Variants in GRIA3 observed in about 807,000 individuals in gnomAD.
GRIA3 encodes glutamate receptor 3.
Under a neutral mutation model 63.0 loss-of-function variants are expected in GRIA3, and 3 were observed. The observed-to-expected ratio is 0.05, with a 90% CI of 0.02 to 0.12. The LOEUF (loss-of-function observed/expected upper bound fraction) is 0.12, where lower values mean the gene tolerates loss of function less well. GRIA3 is among the 10% of genes least tolerant of loss of function. The probability of loss-of-function intolerance (pLI) is 1.00; values close to 1 mark genes in which losing one functional copy is unlikely to be tolerated. For synonymous variants in GRIA3, 274 were observed against 257.9 expected (o/e 1.06, Z -0.60); for missense variants, 347 against 700.9 (o/e 0.50, Z 5.70).
intron 2 of GRIA3, among the ~76,000 whole-genome samples, chrX:123,205,292 C>A (rs1380285206): frequency 1.8e-5 from 2 of 111,833 alleles, no homozygotes; most frequent in African/African-American, 6.5e-5. Context: ...TGGTTCTAAG[C>A]TAATTTTCCA....
chrX:123,202,343 C>A (rs1927764903), intron 2 of GRIA3, among the ~76,000 whole-genome samples: 2 of 112,184 alleles, frequency 1.8e-5, no homozygotes, highest in Non-Finnish European at 3.8e-5. Flanking sequence ...TCAAAAGAAA[C>A]AAGAAAGGAG....
At chrX:123,451,700 A>C (rs2045733301) in intron 12 of GRIA3, among the ~76,000 whole-genome samples, 1 of 108,473 alleles carries the variant, frequency 9.2e-6, no homozygotes, top group African/African-American at 3.4e-5. Context: ...GATGACTAAA[A>C]GGATTTTGAC....
At chrX:123,245,090 C>T (rs754288201) in intron 2 of GRIA3, among the ~76,000 whole-genome samples, 1 of 111,997 alleles carries the variant, frequency 8.9e-6, no homozygotes, top group Non-Finnish European at 1.9e-5. Context: ...GGTAGATACA[C>T]GTACCTTAGA....
intron 3 of GRIA3, among the ~76,000 whole-genome samples, chrX:123,293,077 T>C (rs2044665384): frequency 1.8e-5 from 2 of 110,134 alleles, no homozygotes; most frequent in African/African-American, 6.6e-5. Context: ...TGGTTTATAA[T>C]TTAGAATCCA....
chrX:123,289,433 T>A (rs1399934125), intron 3 of GRIA3, among the ~76,000 whole-genome samples: 1 of 106,618 alleles, frequency 9.4e-6, no homozygotes, highest in Non-Finnish European at 1.9e-5. Flanking sequence ...AAAAAATATA[T>A]ATATATATAT....
intron 15 of GRIA3, among the ~76,000 whole-genome samples, chrX:123,487,094 T>C: frequency 8.9e-6 from 1 of 112,434 alleles, no homozygotes; most frequent in Non-Finnish European, 1.9e-5. Context: ...GAAAGCCTCT[T>C]GACTACCTGG....
rs2045865052 is a variant in GRIA3 at position 123,471,990 on chromosome X, C to CATATATATATATACATATATATAT, written c.2324+6891_2324+6892insCATATATATATATATATATATATA. On this transcript the variant is annotated intron_variant, in intron 13 of 15. Transcript: ENST00000620443. ...AATATATACCTAAGGCAATGGCATT[C>CATATATATATATACATATATATAT]ATATATATATATATATATATATATA... Among the ~76,000 whole-genome samples, 2 of 13,415 alleles carry CATATATATATATACATATATATAT rather than the reference C, an allele frequency of 1.5e-4. 1 individual carries two copies. Among genetic ancestry groups the CATATATATATATACATATATATAT allele is most frequent in the Non-Finnish European group, 3.2e-4 (2 of 6,159 alleles). 11.6% of individuals were successfully genotyped at this position (13,415 alleles called of 115,157 possible). A position where few individuals can be genotyped will look rare whatever the true frequency, so the allele number is the denominator to read the frequency against.
intron 12 of GRIA3, among the ~76,000 whole-genome samples, chrX:123,459,169 C>A (rs2045779473): frequency 9.0e-6 from 1 of 111,676 alleles, no homozygotes; most frequent in Non-Finnish European, 1.9e-5. Flanking sequence ...GAAATTGAGA[C>A]ACATAGATGC....
At chrX:123,488,282 C>A (rs1331216809) in intron 15 of GRIA3, among the ~76,000 whole-genome samples, 1 of 112,376 alleles carries the variant, frequency 8.9e-6, no homozygotes, top group Non-Finnish European at 1.9e-5. Flanking sequence ...ACTTTTCTAG[C>A]AATAAGCAAA....
intron 11 of GRIA3, among the ~76,000 whole-genome samples, chrX:123,422,951 A>G (rs2045570670): frequency 8.9e-6 from 1 of 112,245 alleles, no homozygotes; most frequent in African/African-American, 3.2e-5. Flanking sequence ...TTATTCTACT[A>G]TGTCTTACTG....
chrX:123,407,616 C>T (rs2147386694), intron 10 of GRIA3, among the ~76,000 whole-genome samples: 1 of 99,847 alleles, frequency 1.0e-5, no homozygotes, highest in South Asian at 5.0e-4. Context: ...ACTCCCATGA[C>T]CTAATCACCT....
chrX:123,315,175 G>T (rs1309638683), intron 3 of GRIA3, among the ~76,000 whole-genome samples: 2 of 111,740 alleles, frequency 1.8e-5, no homozygotes, highest in Non-Finnish European at 3.8e-5. Flanking sequence ...TTTGCAGAGG[G>T]TCAGCTCTTA....
chrX:123,213,491 C>T (rs1213918774), intron 2 of GRIA3, among the ~76,000 whole-genome samples: 5 of 111,928 alleles, frequency 4.5e-5, no homozygotes, highest in African/African-American at 6.5e-5. Flanking sequence ...CTAGTGAGGG[C>T]GGAGCTGGGA....
intron 12 of GRIA3, among the ~76,000 whole-genome samples, chrX:123,448,395 A>T (rs2147416695): frequency 9.0e-6 from 1 of 111,548 alleles, no homozygotes; most frequent in East Asian, 2.8e-4. Context: ...CTCAACCCAG[A>T]TGATAGCCAG....
At chrX:123,201,779 C>T (rs1198160004) in intron 2 of GRIA3, among the ~76,000 whole-genome samples, 1 of 111,086 alleles carries the variant, frequency 9.0e-6, no homozygotes, top group Non-Finnish European at 1.9e-5. Flanking sequence ...GGGGTTTTAT[C>T]ACAAGGATAA....
chrX:123,249,037 C>T (rs1172085669), intron 2 of GRIA3, among the ~76,000 whole-genome samples: 1 of 111,752 alleles, frequency 8.9e-6, no homozygotes, highest in African/African-American at 3.3e-5. Flanking sequence ...AAGTCACTTT[C>T]ATGCAGGTGA....
At chrX:123,361,615 C>A (rs186935123) in intron 5 of GRIA3, among the ~76,000 whole-genome samples, 52 of 111,649 alleles carry the variant, frequency 4.7e-4, no homozygotes, top group African/African-American at 1.5e-3. Flanking sequence ...AGGCATTTGT[C>A]AGCTTAAAGT....
chrX:123,228,267 T>C (rs980957233), intron 2 of GRIA3, among the ~76,000 whole-genome samples: 1 of 111,514 alleles, frequency 9.0e-6, no homozygotes, highest in African/African-American at 3.3e-5. Flanking sequence ...TCAAATATAG[T>C]GAGCTGGGAC....
At chrX:123,267,266 T>A (rs1191454298) in intron 3 of GRIA3, among the ~76,000 whole-genome samples, 2 of 111,689 alleles carry the variant, frequency 1.8e-5, no homozygotes, top group Non-Finnish European at 1.9e-5. Flanking sequence ...TAGATAGTCA[T>A]CTACCTCCTG....
Sources: gnomAD v4.1 joint callset for allele counts (sites outside exome capture counted in the v4.1 genomes callset) on GRCh38, gnomAD v4.1.1 for gene constraint, MANE v1.5 for transcripts, NCBI Gene and HGNC (gene_info 2026-07-23, HGNC 2026-07-21) for gene names.